IPO5: variants seen among roughly 807,000 people sequenced by gnomAD.
IPO5 encodes importin 5.
In IPO5, 18 loss-of-function variants were observed where a neutral mutation model predicts 143.3. The observed-to-expected ratio is 0.13, with a 90% CI of 0.09 to 0.19. The LOEUF (loss-of-function observed/expected upper bound fraction) is 0.19. Ranked by LOEUF, IPO5 falls within the 10% of genes least tolerant of loss-of-function variation. The pLI is 1.00. For synonymous variants in IPO5, 477 were observed against 465.7 expected (o/e 1.02, Z -0.31); for missense variants, 1,013 against 1,336.9 (o/e 0.76, Z 3.78).
intron 2 of IPO5, among the ~76,000 whole-genome samples, chr13:97,964,864 T>C (rs1353765439): frequency 2.0e-5 from 3 of 152,162 alleles, no homozygotes; most frequent in African/African-American, 4.8e-5. Flanking sequence ...GGATTATAAA[T>C]CATTCTACTG....
At chr13:97,997,273 G>T (rs911552559) in intron 11 of IPO5, among the ~76,000 whole-genome samples, 11 of 152,204 alleles carry the variant, frequency 7.2e-5, no homozygotes, top group African/African-American at 2.7e-4. Context: ...TCTTACCTCT[G>T]GTGATGGGGA....
At chr13:98,010,293 A>G (rs1889589544) in intron 20 of IPO5, 69 bp downstream of exon 20, 7 of 1,384,022 alleles carry the variant, frequency 5.1e-6, no homozygotes, top group Non-Finnish European at 7.0e-6. Context: ...AGTGCTTTTA[A>G]TAGCTGCTAA....
At chr13:98,017,260 AT>A (rs779037111) in intron 25 of IPO5, among the ~76,000 whole-genome samples, 36 of 147,858 alleles carry the variant, frequency 2.4e-4, no homozygotes, top group African/African-American at 4.0e-4. Flanking sequence ...ATATATATGT[AT>A]TTTTTTTTTA....
chr13:97,957,268 G>C (rs1251932557), intron 2 of IPO5, among the ~76,000 whole-genome samples: 2 of 151,820 alleles, frequency 1.3e-5, no homozygotes, highest in Admixed American at 6.6e-5. Flanking sequence ...CGTGATCTCA[G>C]CTCACTGCAG....
rs1594085386 is a variant in IPO5 at position 97,994,430 on chromosome 13, T to TA, written c.913+1206dup. Among the ~76,000 whole-genome samples, 7 of 152,382 alleles carry TA rather than the reference T, an allele frequency of 4.6e-5. 1 individual carries two copies. Among genetic ancestry groups the TA allele is most frequent in the Admixed American group, 6.5e-5 (1 of 15,308 alleles). ...CAAAGGGTTAAGCAAGATCCTTAGA[T>TA]ATGAGAACATTTTATTGTAAGTGTT... is the stretch of plus-strand genomic sequence containing the variant. On this transcript the variant is annotated intron_variant, in intron 11 of 28. Transcript: ENST00000651721.
At chr13:97,991,776 T>A (rs978040831) in intron 9 of IPO5, among the ~76,000 whole-genome samples, 2 of 152,164 alleles carry the variant, frequency 1.3e-5, no homozygotes, top group Non-Finnish European at 2.9e-5. Flanking sequence ...AAAAAATAAT[T>A]TGTGAGTTAG....
chr13:97,958,989 T>G (rs1206993359), intron 2 of IPO5, among the ~76,000 whole-genome samples: 2 of 151,810 alleles, frequency 1.3e-5, no homozygotes, highest in East Asian at 3.9e-4. Context: ...CTGGCCAACA[T>G]GGTGAAACCT....
intron 2 of IPO5, among the ~76,000 whole-genome samples, chr13:97,969,398 G>A (rs57390774): frequency 0.027 from 4,005 of 150,918 alleles, 167 homozygotes; most frequent in African/African-American, 0.09. Flanking sequence ...TAGCCAGGAT[G>A]GTCTCCATCT....
chr13:97,995,794 C>T (rs140169419), intron 11 of IPO5, among the ~76,000 whole-genome samples: 19 of 152,118 alleles, frequency 1.2e-4, no homozygotes, highest in African/African-American at 4.1e-4. Context: ...GGGGTCTACT[C>T]AAGACCTGAA....
At chr13:98,011,092 T>C (rs1889673116) in intron 20 of IPO5, among the ~76,000 whole-genome samples, 1 of 152,114 alleles carries the variant, frequency 6.6e-6, no homozygotes. Flanking sequence ...TAAAGTTAGA[T>C]TTTAGAAATT....
At chr13:98,007,986 G>T in intron 17 of IPO5, 73 bp from the exon 18 acceptor site, 1 of 835,374 alleles carries the variant, frequency 1.2e-6, no homozygotes, top group Non-Finnish European at 2.0e-6. Flanking sequence ...TCGATTTTTT[G>T]GCAAAGCTTT....
intron 4 of IPO5, among the ~76,000 whole-genome samples, chr13:97,978,866 A>T (rs1399863777): frequency 1.3e-5 from 2 of 152,226 alleles, no homozygotes; most frequent in Non-Finnish European, 1.5e-5. Flanking sequence ...GGGGATAGTT[A>T]TCAGCATTCA....
chr13:98,019,368 C>CT (rs1361680653), intron 26 of IPO5, among the ~76,000 whole-genome samples: 1 of 152,194 alleles, frequency 6.6e-6, no homozygotes, highest in Non-Finnish European at 1.5e-5. Context: ...CTCTGGGTCT[C>CT]TAAGTTAGTA....
At chr13:98,008,408 G>A (rs1019018943) in intron 18 of IPO5, among the ~76,000 whole-genome samples, 6 of 152,158 alleles carry the variant, frequency 3.9e-5, no homozygotes, top group Admixed American at 1.3e-4. Flanking sequence ...CTGTGGAGCA[G>A]TGTCACTCAC....
chr13:97,969,467 C>A (rs1008517691), intron 2 of IPO5, among the ~76,000 whole-genome samples: 3 of 152,078 alleles, frequency 2.0e-5, no homozygotes, highest in African/African-American at 4.8e-5. Context: ...TAGGCGTGAG[C>A]CACTGCACCC....
intron 3 of IPO5, among the ~76,000 whole-genome samples, chr13:97,973,034 T>C (rs1213941193): frequency 7.7e-6 from 1 of 130,452 alleles, no homozygotes; most frequent in East Asian, 2.4e-4. Flanking sequence ...TTTTCTTTTA[T>C]CTTCTTTTTT....
chr13:98,012,294 C>G lies in IPO5; in HGVS notation c.2104C>G (p.Gln702Glu). 1 of 1,613,020 alleles carries G rather than the reference C, an allele frequency of 6.2e-7. No homozygotes were observed. The highest frequency in any genetic ancestry group is 8.5e-7 in the Non-Finnish European group (1 of 1,179,012). Residue 702 changes from glutamine to glutamate, a missense_variant, in exon 21 of 29, where the codon CAG (glutamine) becomes GAG (glutamate). Gln to Glu is a conservative substitution (Grantham distance 29, BLOSUM62 2). Transcript: ENST00000651721. The part of the protein sequence containing the change: ...LKEGFVEYTE[Q>E]VVKLMVPLLK... ...GGAAGGCTTTGTGGAGTACACCGAA[C>G]AGGTTGTCAAACTGATGGTCCCTTT... is the stretch of plus-strand genomic sequence containing the variant.
chr13:98,021,795 C>A lies in IPO5; in HGVS notation c.3267C>A (p.Ala1089=). 1 of 1,606,062 alleles carries A rather than the reference C, an allele frequency of 6.2e-7. No individual in the cohort carries two copies. Among genetic ancestry groups the A allele is most frequent in the Non-Finnish European group, 8.5e-7 (1 of 1,173,832 alleles). Residue 1089 remains alanine (A), a synonymous_variant, in exon 29 of 29, where the codon GCC becomes GCA. Coordinates refer to ENST00000651721, the MANE Select transcript of IPO5 (RefSeq NM_002271.6). ...IAQLSPEQQA[A]IQELLNSA Reference sequence around the variant, plus strand: ...AGCTCAGTCCTGAGCAGCAGGCCGCCATTCAGGAGCTCCTGAACTCTGCGT... The same window carrying A: ...AGCTCAGTCCTGAGCAGCAGGCCGCAATTCAGGAGCTCCTGAACTCTGCGT...
Position 97,978,408 on chromosome 13 carries a change from C to T in IPO5, c.90+1622C>T, listed in dbSNP as rs551060629. ...TCTATGAAATGGATATTGCGGTTTC[C>T]AGTGACCTGCTCTTTTAAAAATAGT... On this transcript the variant is annotated intron_variant, in intron 4 of 28. Transcript: ENST00000651721. Among the ~76,000 whole-genome samples the T allele has an allele frequency of 3.3e-4, 50 of 152,140 alleles. No homozygotes were observed. In the South Asian group the frequency reaches 1.0e-2, roughly 30 times the overall value.
Sources: gnomAD v4.1 joint callset for allele counts (sites outside exome capture counted in the v4.1 genomes callset) on GRCh38, gnomAD v4.1.1 for gene constraint, MANE v1.5 for transcripts, NCBI Gene and HGNC (gene_info 2026-07-23, HGNC 2026-07-21) for gene names.